The following DACH2 variants were observed in gnomAD, a reference collection of about 807,000 sequenced individuals.
DACH2 encodes the protein dachshund family transcription factor 2, also known as dachshund homolog 2.
DACH2 carries 17 observed loss-of-function variants against 35.8 expected under a neutral mutation model. The observed-to-expected ratio is 0.48, with a 90% CI of 0.33 to 0.71. The LOEUF (loss-of-function observed/expected upper bound fraction) is 0.71, where lower values mean the gene tolerates loss of function less well. Among genes scored for constraint, DACH2 ranks in the 30% least tolerant of loss-of-function variants. The pLI, the probability that DACH2 is intolerant of heterozygous loss-of-function variation, is 0.02. For synonymous variants in DACH2, 195 were observed against 177.3 expected (o/e 1.10, Z -0.79); for missense variants, 469 against 472.7 (o/e 0.99, Z 0.07).
intron 7 of DACH2, chrX:86,742,566 C>G (rs1274198311): frequency 1.7e-5 from 3 of 175,102 alleles, no homozygotes; most frequent in Non-Finnish European, 3.3e-5. Flanking sequence ...TTATATTCGT[C>G]ATTCGTGTGA....
rs746321715 is a variant in DACH2, at chrX:86,282,774, C to CTTT, written c.489-94031_489-94029dup. Among the ~76,000 whole-genome samples, 8 of 37,711 alleles carry CTTT rather than the reference C, an allele frequency of 2.1e-4. 1 individual carries two copies. The highest frequency in any genetic ancestry group is 6.1e-4 in the African/African-American group (2 of 3,278). 32.7% of individuals were successfully genotyped at this position (37,711 alleles called of 115,157 possible). A position where few individuals can be genotyped will look rare whatever the true frequency, so the allele number is the denominator to read the frequency against. ...GGGCAAATGCTATGAACAGACACTTCTTTTTTTTTTTTTTTTTTTTTGAGA... is the reference window on the plus strand; with the variant it reads ...GGGCAAATGCTATGAACAGACACTTCTTTTTTTTTTTTTTTTTTTTTTTTGAGA... On this transcript the variant is annotated intron_variant, in intron 1 of 11. Transcript: ENST00000373125.
rs748930402 is a variant in DACH2, at chrX:86,553,586, A to G, written c.640+39195A>G. 2.9e-4 allele frequency among the ~76,000 whole-genome samples: 33 copies of G among 112,297 alleles called. 1 individual carries two copies. The highest frequency in any genetic ancestry group is 1.0e-3 in the African/African-American group (32 of 30,937). On this transcript the variant is annotated intron_variant, in intron 3 of 11. Transcript: ENST00000373125. The stretch of plus-strand genomic sequence containing the variant: ...CACATAATCCTGAAGTTGACACTCA[A>G]TATTAACCATCATACAGAGAGAAAA...
chrX:86,401,152 C>T (rs1347598918), intron 2 of DACH2, among the ~76,000 whole-genome samples: 1 of 112,267 alleles, frequency 8.9e-6, no homozygotes, highest in East Asian at 2.8e-4. Context: ...ATGATTGAGG[C>T]TCCGTGGGTG....
At chrX:86,578,959 G>A (rs754572341) in intron 3 of DACH2, among the ~76,000 whole-genome samples, 13 of 111,673 alleles carry the variant, frequency 1.2e-4, no homozygotes, top group South Asian at 3.7e-4. Context: ...AACAGATATC[G>A]TGGTATCGTG....
At chrX:86,169,761 G>A (rs907743884) in intron 1 of DACH2, among the ~76,000 whole-genome samples, 2 of 110,674 alleles carry the variant, frequency 1.8e-5, no homozygotes, top group South Asian at 7.7e-4. Flanking sequence ...GCATTATCTT[G>A]AATTTCTTTG....
intron 3 of DACH2, among the ~76,000 whole-genome samples, chrX:86,526,050 A>G (rs2038626952): frequency 8.9e-6 from 1 of 112,084 alleles, no homozygotes; most frequent in Non-Finnish European, 1.9e-5. Context: ...TTTCCATTGT[A>G]TAATATGCCT....
intron 7 of DACH2, among the ~76,000 whole-genome samples, chrX:86,759,271 T>A (rs771673291): frequency 6.8e-4 from 76 of 112,244 alleles, no homozygotes; most frequent in Non-Finnish European, 1.2e-3. Flanking sequence ...ATATAATATT[T>A]GCTTTACATA....
At chrX:86,393,115 C>G (rs1169362423) in intron 2 of DACH2, among the ~76,000 whole-genome samples, 1 of 111,101 alleles carries the variant, frequency 9.0e-6, no homozygotes, top group African/African-American at 3.3e-5. Flanking sequence ...TTATCTAACC[C>G]CTGCCCACCT....
chrX:86,829,436 G>A (rs1432596210), intron 11 of DACH2: 1 of 112,299 alleles, frequency 8.9e-6, no homozygotes, highest in African/African-American at 3.2e-5. Context: ...TAAATAAGTA[G>A]ATAAGTTTAA....
intron 7 of DACH2, among the ~76,000 whole-genome samples, chrX:86,788,614 T>C (rs1340839997): frequency 1.8e-5 from 2 of 112,182 alleles, no homozygotes; most frequent in African/African-American, 6.5e-5. Context: ...TGACTGATAA[T>C]AGCCACACTT....
intron 1 of DACH2, among the ~76,000 whole-genome samples, chrX:86,234,731 A>G (rs2033020656): frequency 9.3e-6 from 1 of 108,081 alleles, no homozygotes; most frequent in Admixed American, 9.9e-5. Context: ...CTCCCACCTC[A>G]GCGTCCTGAA....
intron 3 of DACH2, among the ~76,000 whole-genome samples, chrX:86,562,721 T>A (rs1311864035): frequency 1.8e-5 from 2 of 111,608 alleles, no homozygotes; most frequent in Non-Finnish European, 3.8e-5. Context: ...AAGGTTTTGT[T>A]TGAGTAAAGT....
At chrX:86,575,864 C>T (rs773947367) in intron 3 of DACH2, among the ~76,000 whole-genome samples, 3 of 111,563 alleles carry the variant, frequency 2.7e-5, no homozygotes, top group South Asian at 3.7e-4. Flanking sequence ...TATTAATATG[C>T]GATACTGGTC....
At chrX:86,676,151 T>C (rs150979423) in intron 4 of DACH2, among the ~76,000 whole-genome samples, 3,928 of 111,828 alleles carry the variant, frequency 0.035, 183 homozygotes, top group African/African-American at 0.12. Flanking sequence ...TTATATCTGA[T>C]GACTTGCCAT....
intron 1 of DACH2, among the ~76,000 whole-genome samples, chrX:86,182,616 T>C (rs1215340980): frequency 6.3e-5 from 7 of 111,694 alleles, no homozygotes; most frequent in Non-Finnish European, 1.3e-4. Context: ...AGCGTGATGC[T>C]TCCAGCTTTG....
At chrX:86,264,476 A>C (rs2033677933) in intron 1 of DACH2, among the ~76,000 whole-genome samples, 1 of 111,259 alleles carries the variant, frequency 9.0e-6, no homozygotes, top group South Asian at 3.7e-4. Context: ...TAATTTTTGC[A>C]AACTCATTTT....
At chrX:86,431,867 A>G (rs2036990499) in intron 2 of DACH2, among the ~76,000 whole-genome samples, 1 of 111,757 alleles carries the variant, frequency 8.9e-6, no homozygotes, top group Non-Finnish European at 1.9e-5. Flanking sequence ...TTGAATTTGT[A>G]AAGGTAGCAC....
chrX:86,348,124 G>A (rs1013194275), intron 1 of DACH2, among the ~76,000 whole-genome samples: 1 of 111,449 alleles, frequency 9.0e-6, no homozygotes, highest in Admixed American at 9.6e-5. Flanking sequence ...CCACCGTGCC[G>A]CATTGTTTAC....
chrX:86,380,752 G>C (rs777243929), intron 2 of DACH2, among the ~76,000 whole-genome samples: 18 of 110,063 alleles, frequency 1.6e-4, no homozygotes, highest in Non-Finnish European at 3.4e-4. Flanking sequence ...GTGTATCATT[G>C]CTGTGTCTTT....
Sources: gnomAD v4.1 joint callset for allele counts (sites outside exome capture counted in the v4.1 genomes callset) on GRCh38, gnomAD v4.1.1 for gene constraint, MANE v1.5 for transcripts, NCBI Gene and HGNC (gene_info 2026-07-23, HGNC 2026-07-21) for gene names.